PCDHA2: variants seen among roughly 807,000 people sequenced by gnomAD.
The protein encoded by PCDHA2 is protocadherin alpha-2.
A neutral mutation model predicts 66.0 loss-of-function variants in PCDHA2; 58 were observed. The observed-to-expected ratio is 0.88, with a 90% CI of 0.71 to 1.09. PCDHA2 has a LOEUF of 1.09. Among genes scored for constraint, PCDHA2 ranks in the 50% least tolerant of loss-of-function variants. The pLI is 0.00. For missense variants in PCDHA2, 1,267 were observed against 1,242.3 expected (o/e 1.02, Z -0.30); for synonymous variants, 634 against 554.0 (o/e 1.14, Z -2.03).
intron 1 of PCDHA2, chr5:140,882,641 G>A (rs1464189390): frequency 6.2e-7 from 1 of 1,614,104 alleles, no homozygotes; most frequent in Non-Finnish European, 8.5e-7. Context: ...GAAGGTGAGG[G>A]ACATTAACGA....
intron 3 of PCDHA2, among the ~76,000 whole-genome samples, chr5:141,006,287 C>A (rs1407881243): frequency 6.6e-6 from 1 of 152,060 alleles, no homozygotes; most frequent in African/African-American, 2.4e-5. Flanking sequence ...TCTCAGCTCA[C>A]TGCAAGCTCC....
chr5:140,912,381 A>G (rs1554195316), intron 1 of PCDHA2, among the ~76,000 whole-genome samples: 2 of 150,140 alleles, frequency 1.3e-5, no homozygotes, highest in African/African-American at 4.9e-5. Context: ...AAAGGGATTG[A>G]GTTCTTAATT....
At chr5:140,875,667 G>A (rs376967983) in intron 1 of PCDHA2, 10 of 1,613,820 alleles carry the variant, frequency 6.2e-6, no homozygotes, top group East Asian at 4.5e-5. Flanking sequence ...GCCTGTTCCG[G>A]GTGGCGTCCA....
chr5:140,829,467 A>G, intron 1 of PCDHA2: 6 of 1,613,844 alleles, frequency 3.7e-6, no homozygotes, highest in Non-Finnish European at 5.1e-6. Flanking sequence ...GCGCAGCCCG[A>G]GTACACAGTG....
chr5:140,925,641 TATAATA>T (rs10569930), intron 1 of PCDHA2, among the ~76,000 whole-genome samples: 8,694 of 143,320 alleles, frequency 0.061, 267 homozygotes, highest in Non-Finnish European at 0.068. Flanking sequence ...GAACTTAAAG[TATAATA>T]ATAATAATAA....
intron 1 of PCDHA2, among the ~76,000 whole-genome samples, chr5:140,919,543 T>C (rs2079190617): frequency 6.6e-6 from 1 of 152,200 alleles, no homozygotes; most frequent in Non-Finnish European, 1.5e-5. Context: ...ATACTTTTCA[T>C]TTACTGATTT....
At chr5:140,864,304 A>G (rs2048411725) in intron 1 of PCDHA2, 1 of 152,230 alleles carries the variant, frequency 6.6e-6, no homozygotes, top group East Asian at 1.9e-4. Flanking sequence ...CAAAAATACC[A>G]TGACAATATT....
At chr5:140,953,952 C>T (rs1025145135) in intron 1 of PCDHA2, among the ~76,000 whole-genome samples, 1 of 152,084 alleles carries the variant, frequency 6.6e-6, no homozygotes, top group Non-Finnish European at 1.5e-5. Context: ...GCTCCCCCAA[C>T]AGGCCCCAGT....
intron 1 of PCDHA2, chr5:140,822,585 G>T: frequency 6.2e-7 from 1 of 1,612,046 alleles, no homozygotes; most frequent in Non-Finnish European, 8.5e-7. Flanking sequence ...ATGCAGATGA[G>T]GGCATCAATA....
rs35184029 is a variant in PCDHA2 at position 140,997,668 on chromosome 5, T to TTGTG, written c.2537-11933_2537-11930dup. 2.7e-3 allele frequency among the ~76,000 whole-genome samples: 396 copies of TTGTG among 148,340 alleles called. 1 individual carries two copies. Among genetic ancestry groups the TTGTG allele is most frequent in the African/African-American group, 5.1e-3 (207 of 40,232 alleles). On this transcript the variant is annotated intron_variant, in intron 3 of 3. Transcript: ENST00000526136. ...AATGCAATATGTATTATTATACAGC[T>TTGTG]TGTGTGTGTGTGTGTGTGTGTGTGT...
At chr5:140,938,218 T>C (rs1050033125) in intron 1 of PCDHA2, among the ~76,000 whole-genome samples, 1 of 152,210 alleles carries the variant, frequency 6.6e-6, no homozygotes, top group Admixed American at 6.5e-5. Flanking sequence ...AGTGCTGGGA[T>C]TACAGGCATA....
At chr5:140,828,117 T>C (rs923663233) in intron 1 of PCDHA2, 7 of 1,612,442 alleles carry the variant, frequency 4.3e-6, no homozygotes, top group Non-Finnish European at 5.9e-6. Context: ...GAGGATAGAT[T>C]GGGAAAGCAA....
At chr5:140,825,342 A>G (rs1554130192) in intron 1 of PCDHA2, 1 of 147,852 alleles carries the variant, frequency 6.8e-6, no homozygotes, top group South Asian at 2.1e-4. Flanking sequence ...ATTTTTCAAT[A>G]TATCTAATAT....
At chr5:140,905,842 T>C (rs2072141061) in intron 1 of PCDHA2, among the ~76,000 whole-genome samples, 1 of 152,148 alleles carries the variant, frequency 6.6e-6, no homozygotes, top group Non-Finnish European at 1.5e-5. Flanking sequence ...GGGGAGTTTA[T>C]TAAGGAGTAT....
rs1554120305 is a variant in PCDHA2 at position 140,797,137 on chromosome 5, G to A, written c.2173G>A (p.Val725Met). 1.2e-6 allele frequency: 2 copies of A among 1,614,006 alleles called. No individual in the cohort carries two copies. Among genetic ancestry groups the A allele is most frequent in the Non-Finnish European group, 1.7e-6 (2 of 1,179,978 alleles). The change falls in exon 1 of 4, where the codon GTG becomes ATG. Residue 725 changes from valine (V) to methionine (M), a missense_variant. Transcript: ENST00000526136. ...GCTGTACACTGCGCTGCGGTGCTCG[G>A]TGCCACCCACCGAGGGTGCGCGCGC... The part of the protein sequence containing the change: ...VLLYTALRCS[V>M]PPTEGARAPG...
intron 1 of PCDHA2, chr5:140,862,721 C>T (rs1019011354): frequency 3.5e-6 from 2 of 566,878 alleles, no homozygotes; most frequent in Admixed American, 3.8e-5. Context: ...GGCGAGTGCG[C>T]GCTGTCTAGC....
chr5:140,918,868 T>C (rs1584116749), intron 1 of PCDHA2, among the ~76,000 whole-genome samples: 1 of 152,216 alleles, frequency 6.6e-6, no homozygotes, highest in Admixed American at 6.5e-5. Context: ...TCATGAACTT[T>C]CAAGCCTCTA....
In PCDHA2 at chr5:140,910,096, C is replaced by G. The variant is rs1583731198; in HGVS notation, c.2389-68853C>G. On this transcript the variant is annotated intron_variant, in intron 1 of 3. Coordinates refer to ENST00000526136, the MANE Select transcript of PCDHA2 (RefSeq NM_018905.3). ...ATTGTTGTCAAGGGGAACCAGCCTCCCCTTCATTTAAGGGATTCTAGGTCT... is the reference window on the plus strand; with the variant it reads ...ATTGTTGTCAAGGGGAACCAGCCTCGCCTTCATTTAAGGGATTCTAGGTCT... Among the ~76,000 whole-genome samples the G allele has an allele frequency of 2.6e-5, 4 of 152,262 alleles. No individual in the cohort carries two copies. The East Asian group carries it at 7.7e-4, about 29-fold the overall frequency.
intron 1 of PCDHA2, chr5:140,876,583 C>T: frequency 1.9e-6 from 3 of 1,614,194 alleles, no homozygotes; most frequent in Non-Finnish European, 2.5e-6. Flanking sequence ...CGTCATTGCC[C>T]TGATTAGCGT....
Sources: allele counts gnomAD v4.1 joint callset (sites outside exome capture counted in the v4.1 genomes callset), GRCh38; gene constraint gnomAD v4.1.1; transcripts MANE v1.5; gene names NCBI Gene and HGNC (gene_info 2026-07-23, HGNC 2026-07-21).